Variants in LRRC40 observed in about 807,000 individuals in gnomAD.
LRRC40 encodes leucine-rich repeat-containing protein 40.
In LRRC40, 76 loss-of-function variants were observed where a neutral mutation model predicts 72.8. The ratio of observed to expected loss-of-function variants is 1.04; its 90% confidence interval spans 0.87 to 1.26. LRRC40 has a LOEUF of 1.26. Ranked by LOEUF, LRRC40 falls within the 50% of genes most tolerant of loss-of-function variation. LRRC40 has a pLI of 0.00. For missense variants in LRRC40, 684 were observed against 698.9 expected (o/e 0.98, Z 0.24); for synonymous variants, 243 against 254.2 (o/e 0.96, Z 0.42).
intron 10 of LRRC40, among the ~76,000 whole-genome samples, 199 bp from the exon 11 acceptor site, chr1:70,155,995 T>C (rs2100241193): frequency 6.6e-6 from 1 of 152,218 alleles, no homozygotes; most frequent in African/African-American, 2.4e-5. Flanking sequence ...ACATATTGTG[T>C]TATAACATAT....
At chr1:70,161,033 A>G (rs987116901) in intron 9 of LRRC40, among the ~76,000 whole-genome samples, 1 of 152,080 alleles carries the variant, frequency 6.6e-6, no homozygotes, top group African/African-American at 2.4e-5. Flanking sequence ...AGTGACTGAC[A>G]AGAACACAGC....
At chr1:70,171,818 T>A (rs937814762) in intron 9 of LRRC40, among the ~76,000 whole-genome samples, 1 of 152,134 alleles carries the variant, frequency 6.6e-6, no homozygotes, top group East Asian at 1.9e-4. Flanking sequence ...AGAGTTATCA[T>A]ATGATCGAGA....
At chr1:70,190,846 GA>G (rs1668485289) in intron 1 of LRRC40, among the ~76,000 whole-genome samples, 4 of 151,876 alleles carry the variant, frequency 2.6e-5, no homozygotes, top group Admixed American at 2.6e-4. Context: ...TAACAACACA[GA>G]ATATCAATCC....
At chr1:70,166,391 G>A (rs1667879985) in intron 9 of LRRC40, among the ~76,000 whole-genome samples, 1 of 152,154 alleles carries the variant, frequency 6.6e-6, no homozygotes, top group Admixed American at 6.6e-5. Flanking sequence ...TGGGCATGGT[G>A]ACTCATGCCT....
chr1:70,183,174 A>G (rs553525380), intron 4 of LRRC40, among the ~76,000 whole-genome samples: 2 of 152,334 alleles, frequency 1.3e-5, no homozygotes, highest in East Asian at 1.9e-4. Flanking sequence ...GGGAAGTATC[A>G]AGGAGGATGT....
intron 9 of LRRC40, 123 bp from the exon 10 acceptor site, chr1:70,159,561 C>G (rs1667712984): frequency 2.3e-6 from 1 of 439,326 alleles, no homozygotes; most frequent in African/African-American, 2.0e-5. Flanking sequence ...TGCCTTTAGT[C>G]ATATGCTTTA....
At chr1:70,157,106 A>G (rs572583088) in intron 10 of LRRC40, among the ~76,000 whole-genome samples, 1 of 152,326 alleles carries the variant, frequency 6.6e-6, no homozygotes, top group Non-Finnish European at 1.5e-5. Context: ...CTATGAACAG[A>G]AAAACATTAC....
Position 70,178,867 on chromosome 1 carries a change from G to C in LRRC40, c.788C>G (p.Ser263Cys). The C allele has an allele frequency of 1.9e-6, 3 of 1,592,566 alleles. No individual in the cohort carries two copies. The highest frequency in any genetic ancestry group is 2.2e-5 in the East Asian group (1 of 44,480). Reference protein sequence around the residue: ...NKLRFLPEFPSCSLLKELHVG... With the variant: ...NKLRFLPEFPCCSLLKELHVG... Reference sequence around the variant, plus strand: ...AAATAGTACCTTCAATAGACTACAAGAAGGAAATTCTGGTAGAAAACGTAA... The same window carrying C: ...AAATAGTACCTTCAATAGACTACAACAAGGAAATTCTGGTAGAAAACGTAA... The change falls in exon 6 of 15, where the codon TCT becomes TGT. Residue 263 changes from serine to cysteine, a missense_variant. Coordinates refer to ENST00000370952, the MANE Select transcript of LRRC40 (RefSeq NM_017768.5).
At chr1:70,163,160 C>G (rs1399071541) in intron 9 of LRRC40, among the ~76,000 whole-genome samples, 1 of 151,736 alleles carries the variant, frequency 6.6e-6, no homozygotes, top group Non-Finnish European at 1.5e-5. Context: ...ACTGCAACCT[C>G]CGACTCCCTG....
rs1416288584 is a variant in LRRC40, at chr1:70,152,599, A to G, written c.1329-56T>C. 3.4e-6 allele frequency: 3 copies of G among 884,356 alleles called. No homozygotes were observed. In the East Asian group the frequency reaches 7.4e-5, roughly 22 times the overall value. The allele number at this position is 884,356 out of a possible 1,614,324, so 54.8% of individuals were successfully genotyped here. On this transcript the variant is annotated intron_variant, in intron 11 of 14. Coordinates refer to ENST00000370952, the MANE Select transcript of LRRC40 (RefSeq NM_017768.5). ...ACTTGAATTCACTGCCAGAACTTCA[A>G]AACTGTAAGCAGATCAAAGGGGGAA...
intron 7 of LRRC40, among the ~76,000 whole-genome samples, chr1:70,175,371 G>A (rs546356187): frequency 1.6e-4 from 24 of 152,202 alleles, no homozygotes; most frequent in Middle Eastern, 3.4e-3. Flanking sequence ...CTAGGGTCCC[G>A]TCATCAGAGA....
At chr1:70,201,137 C>T (rs1207234034) in intron 1 of LRRC40, among the ~76,000 whole-genome samples, 8 of 152,098 alleles carry the variant, frequency 5.3e-5, no homozygotes, top group Non-Finnish European at 1.2e-4. Context: ...CACTGCACTC[C>T]AGCCTGGGTG....
intron 1 of LRRC40, among the ~76,000 whole-genome samples, chr1:70,190,141 C>T (rs1035985137): frequency 6.6e-6 from 1 of 152,100 alleles, no homozygotes; most frequent in Non-Finnish European, 1.5e-5. Flanking sequence ...TCCTTCACTG[C>T]TCGGTAAAAG....
intron 6 of LRRC40, among the ~76,000 whole-genome samples, chr1:70,177,196 A>G (rs1041697955): frequency 6.6e-6 from 1 of 152,110 alleles, no homozygotes; most frequent in South Asian, 2.1e-4. Context: ...GAATCACTTG[A>G]ACTCGTGAGG....
intron 1 of LRRC40, among the ~76,000 whole-genome samples, chr1:70,196,806 G>T (rs1668621875): frequency 6.6e-6 from 1 of 152,150 alleles, no homozygotes. Context: ...TATCTTGATT[G>T]TAGTACTGGT....
chr1:70,180,731 C>T lies in LRRC40; in HGVS notation c.661+355G>A, dbSNP rs552879352. ...TTACTTATGGACCATGAGGAGGCTA[C>T]AGCTATAATACAACTAAATATCATA... On this transcript the variant is annotated intron_variant, in intron 5 of 14. Coordinates refer to ENST00000370952, the MANE Select transcript of LRRC40 (RefSeq NM_017768.5). Among the ~76,000 whole-genome samples, 29 of 152,246 alleles carry T rather than the reference C, an allele frequency of 1.9e-4. No homozygotes were observed. In the South Asian group the frequency reaches 3.3e-3, roughly 17 times the overall value.
Position 70,189,229 on chromosome 1 carries a change from C to T in LRRC40, c.196G>A (p.Ala66Thr), listed in dbSNP as rs1207846308. Reference protein sequence around the residue: ...WRINVDIPEEANQNLSFGATE... With the variant: ...WRINVDIPEETNQNLSFGATE... ...GCACCAAACGAAAGATTCTGATTAG[C>T]TTCCTCAGGGATATCCACATTTATT... The change falls in exon 2 of 15, where the codon GCT (alanine) becomes ACT (threonine). Residue 66 changes from alanine to threonine, a missense_variant. By Grantham distance (58) the Ala-to-Thr change is moderately conservative. Transcript: ENST00000370952. The T allele has an allele frequency of 6.2e-7, 1 of 1,610,852 alleles. No individual in the cohort carries two copies. The highest frequency in any genetic ancestry group is 8.5e-7 in the Non-Finnish European group (1 of 1,179,434).
chr1:70,203,358 T>C (rs948821140), intron 1 of LRRC40, among the ~76,000 whole-genome samples: 1 of 152,178 alleles, frequency 6.6e-6, no homozygotes, highest in African/African-American at 2.4e-5. Flanking sequence ...GAAAAATAAC[T>C]CTTGGTAATG....
Position 70,189,173 on chromosome 1 carries a change from C to T in LRRC40, c.252G>A (p.Leu84=). The T allele has an allele frequency of 6.2e-7, 1 of 1,613,502 alleles. No homozygotes were observed. The highest frequency in any genetic ancestry group is 8.5e-7 in the Non-Finnish European group (1 of 1,179,898). ...ATERWWEQTD[L]TKLIISNNKL... Reference sequence around the variant, plus strand: ...TATTGTTTGATATTATTAGTTTGGTCAAATCTGTCTGCTCCCACCATCTTT... The same window carrying T: ...TATTGTTTGATATTATTAGTTTGGTTAAATCTGTCTGCTCCCACCATCTTT... Residue 84 remains leucine, a synonymous_variant, in exon 2 of 15, where the codon TTG becomes TTA. Transcript: ENST00000370952.
Sources: allele counts gnomAD v4.1 joint callset (sites outside exome capture counted in the v4.1 genomes callset), GRCh38; gene constraint gnomAD v4.1.1; transcripts MANE v1.5; gene names NCBI Gene and HGNC (gene_info 2026-07-23, HGNC 2026-07-21).